Variants in RAB35 observed in about 807,000 individuals in gnomAD.
The protein encoded by RAB35 is ras-related protein Rab-35.
In RAB35, 4 loss-of-function variants were observed where a neutral mutation model predicts 28.9. That is an observed-to-expected ratio of 0.14 (90% CI 0.07 to 0.32). The LOEUF is 0.32. Among genes scored for constraint, RAB35 ranks in the 10% least tolerant of loss-of-function variants. The probability of loss-of-function intolerance (pLI) is 1.00; values close to 1 mark genes in which losing one functional copy is unlikely to be tolerated. For missense variants in RAB35, 128 were observed against 274.0 expected (o/e 0.47, Z 3.76); for synonymous variants, 99 against 105.1 (o/e 0.94, Z 0.35).
rs748845236 is a variant in RAB35 at position 120,103,293 on chromosome 12, G to A, written c.227+533C>T. On this transcript the variant is annotated intron_variant, in intron 3 of 5. Transcript: ENST00000229340. The surrounding 1 kb of genome is among the most constrained non-coding windows in gnomAD (Gnocchi z 6.1). ...CCACAAAGGTGGGCAACCGGTGGGC[G>A]GCCGGATTTCCCAGGAACAGCTTTA... Among the ~76,000 whole-genome samples the A allele has an allele frequency of 4.6e-5, 7 of 152,192 alleles. No individual in the cohort carries two copies. Among genetic ancestry groups the A allele is most frequent in the Non-Finnish European group, 7.3e-5 (5 of 68,042 alleles).
chr12:120,102,755 G>A (rs1875709686), intron 3 of RAB35, among the ~76,000 whole-genome samples: 1 of 152,200 alleles, frequency 6.6e-6, no homozygotes, highest in African/African-American at 2.4e-5. Flanking sequence ...GGAGTGCCGG[G>A]CTTTCATGCT....
chr12:120,097,172 C>G lies in RAB35; in HGVS notation c.*73G>C. On this transcript the variant is annotated 3_prime_UTR_variant, in exon 6 of 6. Coordinates refer to ENST00000229340, the MANE Select transcript of RAB35 (RefSeq NM_006861.7). ...ATAACGGCACGAAACTGAGACTGTC[C>G]CCCGAGGAACCTCCGTGGGCCTCGG... The G allele has an allele frequency of 6.2e-7, 1 of 1,613,366 alleles. No homozygotes were observed. Among genetic ancestry groups the G allele is most frequent in the Admixed American group, 1.7e-5 (1 of 59,962 alleles).
rs1170992349 is a variant in RAB35 at position 120,097,019 on chromosome 12, G to A, written c.*226C>T. 1.3e-6 allele frequency: 2 copies of A among 1,512,426 alleles called. No individual in the cohort carries two copies. The highest frequency in any genetic ancestry group is 1.8e-6 in the Non-Finnish European group (2 of 1,132,228). 93.7% of individuals were successfully genotyped at this position (1,512,426 alleles called of 1,614,324 possible). ...CGTCCTCGCCAGGTCCAGGCGCCTT[G>A]GCCGGGGAGGAGGGGGCACCAGTAG... On this transcript the variant is annotated 3_prime_UTR_variant, in exon 6 of 6. Transcript: ENST00000229340.
At chr12:120,116,549 G>T (rs1876348800) in intron 1 of RAB35, 50 bp downstream of exon 1, 2 of 1,029,432 alleles carry the variant, frequency 1.9e-6, no homozygotes, top group Non-Finnish European at 2.3e-6. Context: ...AGGCCCCCGC[G>T]GGCCGCGCCC....
intron 1 of RAB35, among the ~76,000 whole-genome samples, chr12:120,114,374 T>C (rs1876244700): frequency 6.6e-6 from 1 of 152,244 alleles, no homozygotes; most frequent in African/African-American, 2.4e-5. Flanking sequence ...ATTACAGGCG[T>C]GAGCCACCGC....
In RAB35 at chr12:120,116,616, A is replaced by G; in HGVS notation, c.35T>C (p.Leu12Pro). The G allele has an allele frequency of 8.2e-7, 1 of 1,217,328 alleles. No individual in the cohort carries two copies. Among genetic ancestry groups the G allele is most frequent in the Non-Finnish European group, 1.0e-6 (1 of 978,710 alleles). 75.4% of individuals were successfully genotyped at this position (1,217,328 alleles called of 1,614,324 possible). A position where few individuals can be genotyped will look rare whatever the true frequency, so the allele number is the denominator to read the frequency against. ...ARDYDHLFKLLIIGDSGVGKS... is the reference protein window; with the variant it reads ...ARDYDHLFKLPIIGDSGVGKS... ...GCCCTCACCGCTGTCGCCGATGATG[A>G]GCAGCTTGAAGAGGTGGTCGTAGTC... Residue 12 changes from leucine to proline, a missense_variant, in exon 1 of 6, where the codon CTC becomes CCC. Transcript: ENST00000229340.
At chr12:120,102,599 C>T (rs1363819910) in intron 3 of RAB35, among the ~76,000 whole-genome samples, 1 of 152,214 alleles carries the variant, frequency 6.6e-6, no homozygotes, top group African/African-American at 2.4e-5. Context: ...GGCTCCAGCC[C>T]CAGGAGCTGC....
At chr12:120,110,734 T>C (rs973434366) in intron 1 of RAB35, among the ~76,000 whole-genome samples, 27 of 152,220 alleles carry the variant, frequency 1.8e-4, no homozygotes, top group African/African-American at 6.0e-4. Flanking sequence ...TGCCCCACGA[T>C]GCCCAGAAGA....
At position 120,096,134 on chromosome 12, in the gene RAB35, C is replaced by T. The variant is rs1875378262; in HGVS notation, c.*1111G>A. ...CCTGTCCATGGTCCCCACCCAGAGG[C>T]CCCAGGCATGCACTCCCCACAGTGC... is the stretch of plus-strand genomic sequence containing the variant. On this transcript the variant is annotated 3_prime_UTR_variant, in exon 6 of 6. Coordinates refer to ENST00000229340, the MANE Select transcript of RAB35 (RefSeq NM_006861.7). The T allele has an allele frequency of 6.5e-6, 2 of 308,378 alleles. No homozygotes were observed. The highest frequency in any genetic ancestry group is 5.6e-5 in the South Asian group (2 of 35,530). 19.1% of individuals were successfully genotyped at this position (308,378 alleles called of 1,614,324 possible).
chr12:120,115,887 C>T (rs759255713), intron 1 of RAB35, among the ~76,000 whole-genome samples: 1 of 152,210 alleles, frequency 6.6e-6, no homozygotes, highest in African/African-American at 2.4e-5. Context: ...TCACTTAATA[C>T]TCACATCAAC....
intron 2 of RAB35, among the ~76,000 whole-genome samples, chr12:120,107,356 C>A (rs924880302): frequency 2.0e-5 from 3 of 152,246 alleles, no homozygotes; most frequent in Admixed American, 1.3e-4. Context: ...CAAATGTAAA[C>A]AAGTTAGCCC....
chr12:120,106,839 G>A (rs1351008544), intron 2 of RAB35, among the ~76,000 whole-genome samples: 1 of 151,634 alleles, frequency 6.6e-6, no homozygotes, highest in African/African-American at 2.4e-5. Context: ...CACGCGCCTC[G>A]GCCTCCCAAA....
At position 120,098,888 on chromosome 12, in the gene RAB35, CT is replaced by C; in HGVS notation, c.399del (p.Asp134MetfsTer55). 6.2e-7 allele frequency: 1 copy of C among 1,614,252 alleles called. No individual in the cohort carries two copies. The highest frequency in any genetic ancestry group is 8.5e-7 in the Non-Finnish European group (1 of 1,180,048). On this transcript the variant is annotated frameshift_variant, in exon 5 of 6. Transcript: ENST00000229340. LOFTEE classifies it high-confidence loss of function. The part of the protein sequence containing the change: ...DDPERKVVET[E>X]DAYKFAGQMG... ...ATCTGCCCGGCGAATTTGTAGGCAT[CT>C]TCCGTCTCCACCACCTTCCGCTCAG...
Position 120,103,537 on chromosome 12 carries a change from G to A in RAB35, c.227+289C>T, listed in dbSNP as rs570497353. Reference sequence around the variant, plus strand: ...TATTCTGCTCTCTCTGTAAGGTGACGGCACAGTGGGCCGGAGGGTCGGCTG... The same window carrying A: ...TATTCTGCTCTCTCTGTAAGGTGACAGCACAGTGGGCCGGAGGGTCGGCTG... On this transcript the variant is annotated intron_variant, in intron 3 of 5. Coordinates refer to ENST00000229340, the MANE Select transcript of RAB35 (RefSeq NM_006861.7). The surrounding 1 kb of genome is among the most constrained non-coding windows in gnomAD (Gnocchi z 6.1). Among the ~76,000 whole-genome samples, 6 of 152,320 alleles carry A rather than the reference G, an allele frequency of 3.9e-5. No homozygotes were observed. Among genetic ancestry groups the A allele is most frequent in the African/African-American group, 7.2e-5 (3 of 41,570 alleles).
chr12:120,107,810 T>C (rs1274827096), intron 2 of RAB35, among the ~76,000 whole-genome samples: 1 of 129,646 alleles, frequency 7.7e-6, no homozygotes, highest in African/African-American at 3.1e-5. Context: ...GAGGTTGCAG[T>C]GAGCCGAAAT....
In RAB35 at chr12:120,103,487, C is replaced by T. The variant is rs1455747537; in HGVS notation, c.227+339G>A. The stretch of plus-strand genomic sequence containing the variant: ...TAAGTCCTGGGTGGGCAAGGCACTT[C>T]GCAACCCCCTAGCGAGGCAAATGCT... On this transcript the variant is annotated intron_variant, in intron 3 of 5. Transcript: ENST00000229340. This position sits in a 1 kb window ranked among gnomAD's most constrained non-coding sequence, Gnocchi z 6.1. Among the ~76,000 whole-genome samples the T allele has an allele frequency of 3.3e-5, 5 of 152,204 alleles. No individual in the cohort carries two copies. Among genetic ancestry groups the T allele is most frequent in the South Asian group, 2.1e-4 (1 of 4,828 alleles).
At position 120,096,726 on chromosome 12, in the gene RAB35, G is replaced by C; in HGVS notation, c.*519C>G. The C allele has an allele frequency of 1.6e-6, 2 of 1,289,982 alleles. No homozygotes were observed. Among genetic ancestry groups the C allele is most frequent in the Non-Finnish European group, 2.0e-6 (2 of 988,940 alleles). The allele number at this position is 1,289,982 out of a possible 1,614,324, so 79.9% of individuals were successfully genotyped here. On this transcript the variant is annotated 3_prime_UTR_variant, in exon 6 of 6. Coordinates refer to ENST00000229340, the MANE Select transcript of RAB35 (RefSeq NM_006861.7). ...GAGAAGGGGCAAGACCCTGTGCAGC[G>C]GGGACAGAGGCTGACAACCTGTCGG...
chr12:120,106,129 G>A (rs183297628), intron 2 of RAB35, among the ~76,000 whole-genome samples: 1 of 152,204 alleles, frequency 6.6e-6, no homozygotes, highest in East Asian at 1.9e-4. Context: ...TGAGATGCTG[G>A]TCGTAGAAAT....
chr12:120,097,421 C>T (rs1302379517), intron 5 of RAB35, 48 bp from the exon 6 acceptor site: 1 of 1,496,602 alleles, frequency 6.7e-7, no homozygotes, highest in Non-Finnish European at 9.1e-7. Context: ...GGCCAGGAGG[C>T]CCCTGCTGGC....
Sources: gnomAD v4.1 joint callset for allele counts (sites outside exome capture counted in the v4.1 genomes callset) on GRCh38, gnomAD v4.1.1 for gene constraint, Gnocchi (gnomAD v3.1) non-coding constraint, MANE v1.5 for transcripts, NCBI Gene and HGNC (gene_info 2026-07-23, HGNC 2026-07-21) for gene names.